The following ADAM23 variants were observed in gnomAD, a reference collection of about 807,000 sequenced individuals.
ADAM23 encodes the protein ADAM metallopeptidase domain 23, also known as disintegrin and metalloproteinase domain-containing protein 23.
ADAM23 carries 33 observed loss-of-function variants against 120.1 expected under a neutral mutation model. The ratio of observed to expected loss-of-function variants is 0.27; its 90% CI spans 0.21 to 0.37. The LOEUF (loss-of-function observed/expected upper bound fraction) is 0.37, where lower values mean the gene tolerates loss of function less well. Ranked by LOEUF, ADAM23 falls within the 10% of genes least tolerant of loss-of-function variation. ADAM23 has a pLI of 1.00. For missense variants in ADAM23, 862 were observed against 1,058.2 expected (o/e 0.81, Z 2.57); for synonymous variants, 367 against 375.2 (o/e 0.98, Z 0.25).
At chr2:206,576,419 A>AT (rs1385122499) in intron 18 of ADAM23, among the ~76,000 whole-genome samples, 14 of 151,982 alleles carry the variant, frequency 9.2e-5, no homozygotes, top group Non-Finnish European at 1.8e-4. Context: ...TAAGTAAAAC[A>AT]TTTTTTCTTT....
intron 6 of ADAM23, among the ~76,000 whole-genome samples, chr2:206,546,367 A>G (rs1225015606): frequency 6.6e-6 from 1 of 152,176 alleles, no homozygotes; most frequent in Non-Finnish European, 1.5e-5. Context: ...GATATTATTG[A>G]TTTTAGTATG....
chr2:206,544,391 T>C lies in ADAM23; in HGVS notation c.720+1075T>C, dbSNP rs549009780. On this transcript the variant is annotated intron_variant, in intron 6 of 25. Transcript: ENST00000264377. ...ATGCAATCAAATTTAAAATTTGACATATATTCAGTAAATATTGTATTGAGG... is the reference window on the plus strand; with the variant it reads ...ATGCAATCAAATTTAAAATTTGACACATATTCAGTAAATATTGTATTGAGG... Among the ~76,000 whole-genome samples the C allele has an allele frequency of 1.2e-3, 176 of 152,320 alleles. No homozygotes were observed. In the Middle Eastern group the frequency reaches 0.014, roughly 12 times the overall value.
chr2:206,580,311 G>A (rs1698198505), intron 18 of ADAM23, among the ~76,000 whole-genome samples: 1 of 152,156 alleles, frequency 6.6e-6, no homozygotes, highest in African/African-American at 2.4e-5. Flanking sequence ...CAGAGGGAAT[G>A]CTTTCAACTT....
At chr2:206,577,350 G>A (rs980334730) in intron 18 of ADAM23, among the ~76,000 whole-genome samples, 4 of 144,152 alleles carry the variant, frequency 2.8e-5, no homozygotes, top group Non-Finnish European at 6.0e-5. Flanking sequence ...CCATGCTGGT[G>A]CGCTGCACCC....
intron 3 of ADAM23, among the ~76,000 whole-genome samples, chr2:206,527,340 T>C (rs1696964581): frequency 6.6e-6 from 1 of 152,214 alleles, no homozygotes; most frequent in Non-Finnish European, 1.5e-5. Context: ...ACAACTCATC[T>C]TCAGGCATGT....
chr2:206,557,471 A>T lies in ADAM23; in HGVS notation c.978A>T (p.Ala326=). 1 of 1,613,930 alleles carries T rather than the reference A, an allele frequency of 6.2e-7. No homozygotes were observed. The highest frequency in any genetic ancestry group is 8.5e-7 in the Non-Finnish European group (1 of 1,179,820). ...CTCATGCACATACCAACAACTTTGC[A>T]AAGTCCGTGGTCAACCTTGTGGATT... is the stretch of plus-strand genomic sequence containing the variant. ...RSSHAHTNNF[A]KSVVNLVDSI... Residue 326 remains alanine (A), a synonymous_variant, in exon 10 of 26, where the codon GCA becomes GCT. Coordinates refer to ENST00000264377, the MANE Select transcript of ADAM23 (RefSeq NM_003812.4).
chr2:206,506,974 A>G (rs34623722), intron 3 of ADAM23, among the ~76,000 whole-genome samples: 11,057 of 152,328 alleles, frequency 0.073, 467 homozygotes, highest in Middle Eastern at 0.12. Context: ...ATTTTTAAAA[A>G]TGGAAAAAGG....
intron 3 of ADAM23, among the ~76,000 whole-genome samples, chr2:206,512,797 G>A (rs572359347): frequency 6.6e-6 from 1 of 152,312 alleles, no homozygotes; most frequent in Admixed American, 6.5e-5. Flanking sequence ...TGGGAGCCGT[G>A]CATTGAGCAA....
chr2:206,503,357 G>A (rs924111419), intron 3 of ADAM23, among the ~76,000 whole-genome samples: 7 of 152,050 alleles, frequency 4.6e-5, no homozygotes, highest in African/African-American at 1.7e-4. Flanking sequence ...TTAAAGGAGA[G>A]GAGATAATGA....
At chr2:206,604,499 T>G (rs1363616912) in intron 24 of ADAM23, among the ~76,000 whole-genome samples, 1 of 152,112 alleles carries the variant, frequency 6.6e-6, no homozygotes, top group Non-Finnish European at 1.5e-5. Flanking sequence ...GTTGGTCTTC[T>G]TCCCTTAGCC....
At chr2:206,616,645 G>A (rs1408463689) in intron 25 of ADAM23, among the ~76,000 whole-genome samples, 1 of 152,020 alleles carries the variant, frequency 6.6e-6, no homozygotes, top group Non-Finnish European at 1.5e-5. Flanking sequence ...AGGGTATCCA[G>A]CTGGCCCTCA....
chr2:206,534,113 T>A (rs531875807), intron 4 of ADAM23, among the ~76,000 whole-genome samples: 1 of 152,278 alleles, frequency 6.6e-6, no homozygotes, highest in East Asian at 1.9e-4. Context: ...ATAATCTAAT[T>A]TTAGAATATT....
chr2:206,524,201 T>C (rs1283268579), intron 3 of ADAM23, among the ~76,000 whole-genome samples: 1 of 152,230 alleles, frequency 6.6e-6, no homozygotes, highest in East Asian at 1.9e-4. Flanking sequence ...GTTTAACTTC[T>C]GTTCCAGTCC....
At chr2:206,534,493 TG>T in intron 4 of ADAM23, among the ~76,000 whole-genome samples, 1 of 151,976 alleles carries the variant, frequency 6.6e-6, no homozygotes, top group African/African-American at 2.4e-5. Context: ...TTTTTTTTTT[TG>T]TAGTGAGAAC....
At chr2:206,507,949 A>G (rs930968717) in intron 3 of ADAM23, among the ~76,000 whole-genome samples, 1 of 152,250 alleles carries the variant, frequency 6.6e-6, no homozygotes, top group East Asian at 1.9e-4. Flanking sequence ...CCTCATTTCT[A>G]GGTCTGTCTC....
chr2:206,506,439 C>G (rs1045091659), intron 3 of ADAM23, among the ~76,000 whole-genome samples: 17 of 152,180 alleles, frequency 1.1e-4, no homozygotes, highest in Non-Finnish European at 1.8e-4. Context: ...AGCCTTTGCT[C>G]TCAAGGTTCA....
intron 3 of ADAM23, among the ~76,000 whole-genome samples, chr2:206,530,654 T>C (rs1368817522): frequency 1.3e-5 from 2 of 149,012 alleles, no homozygotes; most frequent in African/African-American, 4.9e-5. Flanking sequence ...CACCGTTGGA[T>C]TGTCTGTGTC....
chr2:206,585,099 T>G (rs1327426936), intron 18 of ADAM23, among the ~76,000 whole-genome samples: 1 of 152,178 alleles, frequency 6.6e-6, no homozygotes, highest in Non-Finnish European at 1.5e-5. Flanking sequence ...GCAGTCTGCT[T>G]CCTTCAGAGG....
At chr2:206,485,580 AGCC>A in intron 3 of ADAM23, among the ~76,000 whole-genome samples, 1 of 152,302 alleles carries the variant, frequency 6.6e-6, no homozygotes, top group Admixed American at 6.5e-5. Context: ...CTGAGAGGAG[AGCC>A]TGGTTTGCAT....
Sources: allele counts gnomAD v4.1 joint callset (sites outside exome capture counted in the v4.1 genomes callset), GRCh38; gene constraint gnomAD v4.1.1; transcripts MANE v1.5; gene names NCBI Gene and HGNC (gene_info 2026-07-23, HGNC 2026-07-21).